Variants in ABR observed in about 807,000 individuals in gnomAD.
The protein encoded by ABR is active breakpoint cluster region-related protein.
A neutral mutation model predicts 107.2 loss-of-function variants in ABR; 35 were observed. That is an observed-to-expected ratio of 0.33 (90% confidence interval 0.25 to 0.43). The LOEUF (loss-of-function observed/expected upper bound fraction) is 0.43, where lower values mean the gene tolerates loss of function less well. Among genes scored for constraint, ABR ranks in the 20% least tolerant of loss-of-function variants. The pLI is 1.00. For synonymous variants in ABR, 498 were observed against 462.0 expected (o/e 1.08, Z -1.00); for missense variants, 815 against 1,115.2 (o/e 0.73, Z 3.83).
At position 1,022,258 on chromosome 17, in the gene ABR, C is replaced by G. The variant is rs140063482; in HGVS notation, c.1792-9094G>C. 8.8e-3 allele frequency among the ~76,000 whole-genome samples: 1,338 copies of G among 152,300 alleles called. 15 individuals carry two copies. The highest frequency in any genetic ancestry group is 0.03 in the African/African-American group (1,253 of 41,572). ...GGAGCCCAGGCCCTGAGCCAGGCAT[C>G]GGGTCTGAGGGTGGGCACGTTTCCT... is the stretch of plus-strand genomic sequence containing the variant. On this transcript the variant is annotated intron_variant, in intron 16 of 22. Coordinates refer to ENST00000302538, the MANE Select transcript of ABR (RefSeq NM_021962.5).
chr17:1,226,439 TGCA>T (rs2043216123), intron 1 of ABR, among the ~76,000 whole-genome samples: 1 of 152,012 alleles, frequency 6.6e-6, no homozygotes, highest in Non-Finnish European at 1.5e-5. Flanking sequence ...TATATACGTG[TGCA>T]GGTGTGTATG....
chr17:1,025,119 C>CAAAAAAAA (rs71272843), intron 16 of ABR, among the ~76,000 whole-genome samples: 412 of 37,638 alleles, frequency 0.011, 3 homozygotes, highest in African/African-American at 0.034. Flanking sequence ...GACTCCGTCT[C>CAAAAAAAA]AAAAAAAAAA....
At chr17:1,032,867 C>T (rs568537036) in intron 16 of ABR, among the ~76,000 whole-genome samples, 5 of 152,196 alleles carry the variant, frequency 3.3e-5, no homozygotes, top group South Asian at 4.1e-4. Flanking sequence ...GACCCCAGCA[C>T]GGCACAGAAA....
chr17:1,077,419 C>G (rs2035823153), intron 6 of ABR, among the ~76,000 whole-genome samples: 1 of 152,200 alleles, frequency 6.6e-6, no homozygotes, highest in Admixed American at 6.5e-5. Context: ...GTTTCCTTTT[C>G]AGGGAGGCAG....
At chr17:1,023,799 A>T (rs1289647668) in intron 16 of ABR, among the ~76,000 whole-genome samples, 1 of 151,924 alleles carries the variant, frequency 6.6e-6, no homozygotes, top group African/African-American at 2.4e-5. Flanking sequence ...CCTAGGTGGG[A>T]GGATCACCTG....
At chr17:1,012,033 C>A (rs769510190) in intron 18 of ABR, 48 bp from the exon 19 acceptor site, 2 of 1,607,492 alleles carry the variant, frequency 1.2e-6, no homozygotes, top group Admixed American at 3.3e-5. Flanking sequence ...CACGACAGCT[C>A]TCCCGTAGCA....
chr17:1,180,481 G>A (rs992173110), upstream of ABR, among the ~76,000 whole-genome samples: 15 of 152,114 alleles, frequency 9.9e-5, no homozygotes, highest in Admixed American at 6.5e-5. Flanking sequence ...CTCTGAGCGC[G>A]GCCGTTCCCG....
At position 1,148,308 on chromosome 17, in the gene ABR, A is replaced by G. The variant is rs2040639226; in HGVS notation, c.62-22941T>C. 6.6e-6 allele frequency among the ~76,000 whole-genome samples: 1 copy of G among 152,230 alleles called. No individual in the cohort carries two copies. The highest frequency in any genetic ancestry group is 1.5e-5 in the Non-Finnish European group (1 of 68,042). On this transcript the variant is annotated intron_variant, in intron 1 of 22. Coordinates refer to ENST00000302538, the MANE Select transcript of ABR (RefSeq NM_021962.5). This position sits in a 1 kb window ranked among gnomAD's most constrained non-coding sequence, Gnocchi z 4.9. Reference sequence around the variant, plus strand: ...TCTGACATCGATGAACCTTGGGGGCATTAGGCTACGTGAAAGAAGCTGGTC... The same window carrying G: ...TCTGACATCGATGAACCTTGGGGGCGTTAGGCTACGTGAAAGAAGCTGGTC...
At chr17:1,029,141 G>A (rs1274204528) in intron 16 of ABR, among the ~76,000 whole-genome samples, 1 of 150,862 alleles carries the variant, frequency 6.6e-6, no homozygotes, top group African/African-American at 2.4e-5. Flanking sequence ...GGAAAGAAAA[G>A]TAGAAACGCG....
chr17:1,214,222 G>A (rs181905901), intron 1 of ABR, among the ~76,000 whole-genome samples: 53 of 142,652 alleles, frequency 3.7e-4, no homozygotes, highest in African/African-American at 1.0e-3. Flanking sequence ...GGACTTCCCC[G>A]CCCCCCACCA....
intron 1 of ABR, among the ~76,000 whole-genome samples, chr17:1,160,497 G>T (rs146352600): frequency 6.6e-6 from 1 of 152,166 alleles, no homozygotes; most frequent in Admixed American, 6.5e-5. Flanking sequence ...ACTCTAAGGA[G>T]AACTGAATCC....
chr17:1,086,494 CTT>C (rs2036599524), intron 4 of ABR, among the ~76,000 whole-genome samples: 1 of 150,784 alleles, frequency 6.6e-6, no homozygotes, highest in Admixed American at 6.6e-5. Context: ...TATGTGTATA[CTT>C]ATACACTTTT....
chr17:1,012,862 A>T, intron 17 of ABR, 65 bp from the exon 18 acceptor site: 1 of 1,376,496 alleles, frequency 7.3e-7, no homozygotes, highest in South Asian at 1.2e-5. Context: ...TGCCCCCAAA[A>T]CACAGGGGTC....
At chr17:1,096,238 C>T (rs190852536) in intron 3 of ABR, among the ~76,000 whole-genome samples, 15 of 152,294 alleles carry the variant, frequency 9.8e-5, no homozygotes, top group East Asian at 1.9e-4. Flanking sequence ...TGTGGAGGCT[C>T]GTCTGCCCCG....
At chr17:1,054,072 A>C (rs2032918673) in intron 14 of ABR, among the ~76,000 whole-genome samples, 1 of 152,066 alleles carries the variant, frequency 6.6e-6, no homozygotes, top group South Asian at 2.1e-4. Context: ...CTGCTGCACC[A>C]CCTGCTACTG....
At chr17:1,111,231 C>A (rs79857786) in intron 2 of ABR, among the ~76,000 whole-genome samples, 1 of 152,194 alleles carries the variant, frequency 6.6e-6, no homozygotes, top group South Asian at 2.1e-4. Flanking sequence ...CACCTCTACA[C>A]GGCATGGTGA....
chr17:1,091,584 C>A, intron 4 of ABR, 81 bp downstream of exon 4: 1 of 1,495,796 alleles, frequency 6.7e-7, no homozygotes, highest in Non-Finnish European at 9.1e-7. Flanking sequence ...GAGGGCTGCC[C>A]GGTCCTCTCC....
intron 1 of ABR, among the ~76,000 whole-genome samples, chr17:1,133,690 G>A (rs989082795): frequency 1.3e-5 from 2 of 152,124 alleles, no homozygotes; most frequent in African/African-American, 4.8e-5. Flanking sequence ...CGGTCTCTGC[G>A]CTCTAGGGCA....
intron 4 of ABR, among the ~76,000 whole-genome samples, chr17:1,087,332 C>A (rs2036661829): frequency 6.6e-6 from 1 of 152,112 alleles, no homozygotes; most frequent in South Asian, 2.1e-4. Flanking sequence ...TGGGGGCAGG[C>A]TGGCCGCAGC....
Sources: allele counts gnomAD v4.1 joint callset (sites outside exome capture counted in the v4.1 genomes callset), GRCh38; gene constraint gnomAD v4.1.1; non-coding constraint Gnocchi (gnomAD v3.1); transcripts MANE v1.5; gene names NCBI Gene and HGNC (gene_info 2026-07-23, HGNC 2026-07-21).